The following SORCS1 variants were observed in gnomAD, a reference collection of about 807,000 sequenced individuals.
SORCS1 encodes sortilin related VPS10 domain containing receptor 1.
A neutral mutation model predicts 146.1 loss-of-function variants in SORCS1; 60 were observed. The ratio of observed to expected loss-of-function variants is 0.41; its 90% confidence interval spans 0.33 to 0.51. The LOEUF (loss-of-function observed/expected upper bound fraction) is 0.51, where lower values mean the gene tolerates loss of function less well. Among genes scored for constraint, SORCS1 ranks in the 20% least tolerant of loss-of-function variants. The pLI, the probability that SORCS1 is intolerant of heterozygous loss-of-function variation, is 0.21. For missense variants in SORCS1, 1,352 were observed against 1,487.6 expected, an observed-to-expected ratio of 0.91 and a Z score of 1.50; for synonymous variants, 637 against 584.0, an observed-to-expected ratio of 1.09 and a Z score of -1.31.
chr10:106,976,546 T>G lies in SORCS1; in HGVS notation c.559-19966A>C, dbSNP rs1385281618. Among the ~76,000 whole-genome samples the G allele has an allele frequency of 2.0e-5, 3 of 152,070 alleles. 1 individual carries two copies. Among genetic ancestry groups the G allele is most frequent in the Non-Finnish European group, 4.4e-5 (3 of 68,014 alleles). ...TGGGGTTTCACCGTGTTAGCTAGGA[T>G]GGTCTCGATCTCCTGACCTCATGAT... On this transcript the variant is annotated intron_variant, in intron 1 of 25. Coordinates refer to ENST00000263054, the MANE Select transcript of SORCS1 (RefSeq NM_052918.5).
intron 1 of SORCS1, among the ~76,000 whole-genome samples, chr10:106,996,989 G>A (rs1957030395): frequency 6.6e-6 from 1 of 151,654 alleles, no homozygotes; most frequent in Admixed American, 6.6e-5. Flanking sequence ...TTCATTTAGG[G>A]AAAAGGAAAG....
intron 1 of SORCS1, among the ~76,000 whole-genome samples, chr10:107,001,381 G>A (rs960878314): frequency 4.6e-5 from 7 of 152,070 alleles, no homozygotes; most frequent in African/African-American, 7.2e-5. Flanking sequence ...CTCCAACATC[G>A]TATACAGAAC....
intron 5 of SORCS1, among the ~76,000 whole-genome samples, chr10:106,735,783 T>C (rs994939248): frequency 3.3e-5 from 5 of 152,096 alleles, no homozygotes; most frequent in Non-Finnish European, 5.9e-5. Flanking sequence ...CTAAAAGCCA[T>C]GAGATGGTGC....
At chr10:106,750,250 T>G (rs1489596634) in intron 5 of SORCS1, among the ~76,000 whole-genome samples, 1 of 152,094 alleles carries the variant, frequency 6.6e-6, no homozygotes, top group Non-Finnish European at 1.5e-5. Flanking sequence ...GAGAAGTGAC[T>G]GAATATTGTT....
chr10:106,812,602 T>A (rs1048336908), intron 3 of SORCS1, among the ~76,000 whole-genome samples: 2 of 152,220 alleles, frequency 1.3e-5, no homozygotes, highest in African/African-American at 4.8e-5. Flanking sequence ...TTTATAAATC[T>A]GATATAGAAA....
At chr10:107,001,947 C>T (rs919761610) in intron 1 of SORCS1, among the ~76,000 whole-genome samples, 5 of 152,110 alleles carry the variant, frequency 3.3e-5, no homozygotes, top group African/African-American at 9.7e-5. Context: ...ACTTTTCTTT[C>T]TTCATATATT....
At chr10:106,863,311 G>C (rs1464205957) in intron 2 of SORCS1, among the ~76,000 whole-genome samples, 4 of 152,240 alleles carry the variant, frequency 2.6e-5, no homozygotes, top group African/African-American at 9.6e-5. Context: ...GATAACTTGA[G>C]GTCAGGAGTT....
At chr10:107,047,695 G>A (rs17279829) in intron 1 of SORCS1, among the ~76,000 whole-genome samples, 2,416 of 152,130 alleles carry the variant, frequency 0.016, 30 homozygotes, top group South Asian at 0.051. Flanking sequence ...ACCGCAGTGC[G>A]TTGCCAATAT....
chr10:106,840,303 A>G (rs952959164), intron 2 of SORCS1, among the ~76,000 whole-genome samples: 1 of 152,212 alleles, frequency 6.6e-6, no homozygotes. Context: ...CTTAATTCCA[A>G]TACTCATGGA....
intron 24 of SORCS1, among the ~76,000 whole-genome samples, chr10:106,584,218 G>A (rs902425181): frequency 3.9e-5 from 6 of 152,176 alleles, no homozygotes; most frequent in South Asian, 2.1e-4. Context: ...AGGCAGAAAG[G>A]CTTCCATTTA....
chr10:106,777,824 C>A (rs1373890273), intron 3 of SORCS1, among the ~76,000 whole-genome samples: 1 of 152,078 alleles, frequency 6.6e-6, no homozygotes, highest in Non-Finnish European at 1.5e-5. Flanking sequence ...AGACAGGTGG[C>A]CTTAATGCTA....
At chr10:106,763,530 G>A (rs999133776) in intron 4 of SORCS1, among the ~76,000 whole-genome samples, 4 of 152,092 alleles carry the variant, frequency 2.6e-5, no homozygotes, top group South Asian at 2.1e-4. Context: ...GGTAACTTTC[G>A]GTCCTGGTGG....
At chr10:106,844,910 C>T (rs532228956) in intron 2 of SORCS1, among the ~76,000 whole-genome samples, 2 of 150,410 alleles carry the variant, frequency 1.3e-5, no homozygotes, top group South Asian at 2.1e-4. Flanking sequence ...AGGACATGAA[C>T]TCATCATTTT....
At chr10:106,617,601 A>G (rs550994658) in intron 21 of SORCS1, among the ~76,000 whole-genome samples, 5 of 152,076 alleles carry the variant, frequency 3.3e-5, no homozygotes, top group Admixed American at 6.6e-5. Context: ...AATTTCCCCA[A>G]CTGATCACAA....
chr10:106,886,271 A>T (rs535650839), intron 2 of SORCS1, among the ~76,000 whole-genome samples: 1 of 152,208 alleles, frequency 6.6e-6, no homozygotes, highest in Non-Finnish European at 1.5e-5. Context: ...TCAAAACAAC[A>T]ACAACAACAA....
chr10:106,577,638 T>C, intron 25 of SORCS1, 83 bp from the exon 26 acceptor site: 1 of 1,576,956 alleles, frequency 6.3e-7, no homozygotes, highest in Non-Finnish European at 8.6e-7. Context: ...TGCTGCGATA[T>C]CTTCCTGGAG....
chr10:106,668,920 A>G (rs1024585668), intron 16 of SORCS1, among the ~76,000 whole-genome samples: 4 of 152,176 alleles, frequency 2.6e-5, no homozygotes, highest in Non-Finnish European at 4.4e-5. Flanking sequence ...ATTACACTAC[A>G]GCCAGGTGTA....
At chr10:106,795,073 G>A (rs1295742889) in intron 3 of SORCS1, among the ~76,000 whole-genome samples, 2 of 152,160 alleles carry the variant, frequency 1.3e-5, no homozygotes, top group African/African-American at 4.8e-5. Context: ...ATGATTTGAT[G>A]GAGCTAACAC....
chr10:106,935,362 T>C (rs1490181106), intron 2 of SORCS1, among the ~76,000 whole-genome samples: 1 of 152,184 alleles, frequency 6.6e-6, no homozygotes, highest in Non-Finnish European at 1.5e-5. Context: ...TTGGTGGAGA[T>C]AATATTCTAA....
Sources: gnomAD v4.1 joint callset for allele counts (sites outside exome capture counted in the v4.1 genomes callset) on GRCh38, gnomAD v4.1.1 for gene constraint, MANE v1.5 for transcripts, NCBI Gene and HGNC (gene_info 2026-07-23, HGNC 2026-07-21) for gene names.